Variants in WNT8B observed in about 807,000 individuals in gnomAD.
WNT8B encodes protein Wnt-8b.
Under a neutral mutation model 36.6 loss-of-function variants are expected in WNT8B, and 24 were observed. The observed-to-expected ratio is 0.66, with a 90% CI of 0.48 to 0.92. The LOEUF is 0.92. Among genes scored for constraint, WNT8B ranks in the 40% least tolerant of loss-of-function variants. The pLI is 0.00. For synonymous variants in WNT8B, 199 were observed against 189.8 expected, an observed-to-expected ratio of 1.05 and a Z score of -0.40; for missense variants, 402 against 470.8, an observed-to-expected ratio of 0.85 and a Z score of 1.35.
At chr10:100,468,167 T>C (rs1850932173) in intron 1 of WNT8B, among the ~76,000 whole-genome samples, 1 of 152,222 alleles carries the variant, frequency 6.6e-6, no homozygotes, top group Non-Finnish European at 1.5e-5. Context: ...TTGGATCAGA[T>C]TGAGGAGAGA....
intron 1 of WNT8B, among the ~76,000 whole-genome samples, chr10:100,474,544 C>T (rs1379806327): frequency 1.3e-5 from 2 of 152,136 alleles, no homozygotes; most frequent in East Asian, 3.9e-4. Context: ...AGATCCTCCT[C>T]CTTTGGTACT....
At position 100,463,091 on chromosome 10, in the gene WNT8B, T is replaced by G. The variant is rs1425430814; in HGVS notation, c.-78T>G. On this transcript the variant is annotated 5_prime_UTR_variant, in exon 1 of 6. Coordinates refer to ENST00000343737, the MANE Select transcript of WNT8B (RefSeq NM_003393.4). ...TTTGAGAATTCCATCCCACTGGCAC[T>G]GAGGAGAATATTTCTCCGTCTTGCT... is the stretch of plus-strand genomic sequence containing the variant. 3.0e-6 allele frequency: 4 copies of G among 1,350,902 alleles called. No homozygotes were observed. Among genetic ancestry groups the G allele is most frequent in the Non-Finnish European group, 4.2e-6 (4 of 948,706 alleles). 83.7% of individuals were successfully genotyped at this position (1,350,902 alleles called of 1,614,324 possible).
At chr10:100,478,784 G>A (rs1564644817) in intron 1 of WNT8B, among the ~76,000 whole-genome samples, 1 of 151,928 alleles carries the variant, frequency 6.6e-6, no homozygotes, top group African/African-American at 2.4e-5. Context: ...GTTTCACTAT[G>A]TTTGGCCATG....
chr10:100,463,099 A>T lies in WNT8B; in HGVS notation c.-70A>T. The T allele has an allele frequency of 7.0e-7, 1 of 1,432,870 alleles. No homozygotes were observed. The allele number at this position is 1,432,870 out of a possible 1,614,324, so 88.8% of individuals were successfully genotyped here. A position where few individuals can be genotyped will look rare whatever the true frequency, so the allele number is the denominator to read the frequency against. ...TTCCATCCCACTGGCACTGAGGAGA[A>T]TATTTCTCCGTCTTGCTTACCCATC... is the stretch of plus-strand genomic sequence containing the variant. On this transcript the variant is annotated 5_prime_UTR_variant, in exon 1 of 6. Coordinates refer to ENST00000343737, the MANE Select transcript of WNT8B (RefSeq NM_003393.4).
At position 100,482,777 on chromosome 10, in the gene WNT8B, G is replaced by GC; in HGVS notation, c.1018dup (p.Arg340ProfsTer38). Reference sequence around the variant, plus strand: ...ACTTCTGTAGCCGCGCAGAGCGGCCGCGGGGGGGCGCTGCGCACAAACCCG... The same window carrying GC: ...ACTTCTGTAGCCGCGCAGAGCGGCCGCCGGGGGGGCGCTGCGCACAAACCCG... On this transcript the variant is annotated frameshift_variant, in exon 6 of 6. Coordinates refer to ENST00000343737, the MANE Select transcript of WNT8B (RefSeq NM_003393.4). LOFTEE classifies it high-confidence loss of function. This position sits in a 1 kb window ranked among gnomAD's most constrained non-coding sequence, Gnocchi z 6.6. 6.3e-7 allele frequency: 1 copy of GC among 1,587,124 alleles called. No homozygotes were observed. Among genetic ancestry groups the GC allele is most frequent in the Admixed American group, 1.7e-5 (1 of 57,568 alleles).
chr10:100,478,579 G>T (rs1261461146), intron 1 of WNT8B, among the ~76,000 whole-genome samples: 1 of 150,248 alleles, frequency 6.7e-6, no homozygotes, highest in African/African-American at 2.4e-5. Flanking sequence ...ATGTGTGTGT[G>T]TGTTTTTTTT....
intron 1 of WNT8B, 117 bp downstream of exon 1, chr10:100,463,353 A>G: frequency 1.0e-6 from 1 of 993,372 alleles, no homozygotes; most frequent in East Asian, 2.5e-5. Context: ...CCTAGGAAAA[A>G]CTGTTCTATG....
intron 1 of WNT8B, among the ~76,000 whole-genome samples, chr10:100,465,592 G>A (rs151040196): frequency 1.6e-4 from 25 of 152,278 alleles, no homozygotes; most frequent in Non-Finnish European, 3.7e-4. Context: ...CACCAAATCA[G>A]AAGGATGCCC....
At chr10:100,468,656 A>G (rs986686203) in intron 1 of WNT8B, among the ~76,000 whole-genome samples, 1 of 152,246 alleles carries the variant, frequency 6.6e-6, no homozygotes, top group Non-Finnish European at 1.5e-5. Flanking sequence ...TAAAGAAGGA[A>G]AGAAATGAGG....
At chr10:100,479,018 T>C in intron 1 of WNT8B, 34 bp from the exon 2 acceptor site, 1 of 1,577,962 alleles carries the variant, frequency 6.3e-7, no homozygotes, top group Non-Finnish European at 8.6e-7. Context: ...GTCTCTGCAT[T>C]ATATTCTGTT....
intron 4 of WNT8B, 148 bp from the exon 5 acceptor site, chr10:100,481,764 C>T (rs1475737046): frequency 8.8e-7 from 1 of 1,139,998 alleles, no homozygotes. Flanking sequence ...CAAATCTAGA[C>T]GGCAACTGAT....
Position 100,479,856 on chromosome 10 carries a change from AC to A in WNT8B, c.103-14del. ...CCTCCTAAGTTCAGTCTGAATTTTTACCCCTATGTCCCTACAGGCTTACCTG... is the reference window on the plus strand; with the variant it reads ...CCTCCTAAGTTCAGTCTGAATTTTTACCCTATGTCCCTACAGGCTTACCTG... On this transcript the variant is annotated splice_polypyrimidine_tract_variant and intron_variant, in intron 2 of 5. Transcript: ENST00000343737. 2 of 1,612,734 alleles carry A rather than the reference AC, an allele frequency of 1.2e-6. No homozygotes were observed. The highest frequency in any genetic ancestry group is 8.5e-7 in the Non-Finnish European group (1 of 1,179,246).
rs1851148201 is a variant in WNT8B at position 100,483,582 on chromosome 10, A to G, written c.*766A>G. ...AGGAAATACGTTAAGGGCAGATTAC[A>G]GTCATTTCCTACCCTTTAAAGGTAA... On this transcript the variant is annotated 3_prime_UTR_variant, in exon 6 of 6. Transcript: ENST00000343737. 1.3e-5 allele frequency: 2 copies of G among 152,228 alleles called. No individual in the cohort carries two copies. The highest frequency in any genetic ancestry group is 2.9e-5 in the Non-Finnish European group (2 of 68,026). The allele number at this position is 152,228 out of a possible 1,614,324, so 9.4% of individuals were successfully genotyped here. A position where few individuals can be genotyped will look rare whatever the true frequency, so the allele number is the denominator to read the frequency against.
intron 1 of WNT8B, among the ~76,000 whole-genome samples, chr10:100,471,521 G>C (rs1010442229): frequency 3.3e-5 from 5 of 152,264 alleles, no homozygotes; most frequent in Admixed American, 2.0e-4. Context: ...ATAATTAACT[G>C]AGTGTATTCA....
chr10:100,469,432 C>A (rs562109160), intron 1 of WNT8B, among the ~76,000 whole-genome samples: 1 of 152,190 alleles, frequency 6.6e-6, no homozygotes, highest in African/African-American at 2.4e-5. Context: ...CCCTTTAAGA[C>A]TTCAGATACC....
rs771363997 is a variant in WNT8B at position 100,482,609 on chromosome 10, ACGCCGCAGCTGC to A, written c.855_866del (p.Ser286_Arg289del). Reference sequence around the variant, plus strand: ...GCGGGCGGGCCCTGGGTCGCTGGGAACGCCGCAGCTGCCGCCGGCTCTGCGGGGACTGCGGGC... The same window carrying A: ...GCGGGCGGGCCCTGGGTCGCTGGGAACGCCGGCTCTGCGGGGACTGCGGGC... On this transcript the variant is annotated inframe_deletion, in exon 6 of 6. Transcript: ENST00000343737. The surrounding 1 kb of genome is among the most constrained non-coding windows in gnomAD (Gnocchi z 6.6). 6.3e-7 allele frequency: 1 copy of A among 1,599,088 alleles called. No individual in the cohort carries two copies. The highest frequency in any genetic ancestry group is 1.1e-5 in the South Asian group (1 of 90,582).
intron 1 of WNT8B, among the ~76,000 whole-genome samples, 192 bp from the exon 2 acceptor site, chr10:100,478,843 AAAGTGCTGGGAATACAG>A (rs938423985): frequency 4.6e-5 from 7 of 152,244 alleles, no homozygotes; most frequent in Admixed American, 1.3e-4. Context: ...TCAGCCTCCC[AAAGTGCTGGGAATACAG>A]GCATGAGCCA....
At position 100,482,132 on chromosome 10, in the gene WNT8B, T is replaced by C; in HGVS notation, c.510+78T>C. ...GCTCCAGGTGCGGACAACTCTTCAG[T>C]TCATTTAAAAGATTGGCAAAATGAG... On this transcript the variant is annotated intron_variant, in intron 5 of 5. Transcript: ENST00000343737. The surrounding 1 kb of genome is among the most constrained non-coding windows in gnomAD (Gnocchi z 6.6). 23 of 1,593,770 alleles carry C rather than the reference T, an allele frequency of 1.4e-5. No individual in the cohort carries two copies. Among genetic ancestry groups the C allele is most frequent in the Non-Finnish European group, 2.0e-5 (23 of 1,168,302 alleles).
Position 100,463,079 on chromosome 10 carries a change from T to A in WNT8B, c.-90T>A. On this transcript the variant is annotated 5_prime_UTR_variant, in exon 1 of 6. Transcript: ENST00000343737. ...AGGAAGTTGGGCTTTGAGAATTCCATCCCACTGGCACTGAGGAGAATATTT... is the reference window on the plus strand; with the variant it reads ...AGGAAGTTGGGCTTTGAGAATTCCAACCCACTGGCACTGAGGAGAATATTT... The A allele has an allele frequency of 8.1e-7, 1 of 1,233,842 alleles. No homozygotes were observed. Among genetic ancestry groups the A allele is most frequent in the Non-Finnish European group, 1.2e-6 (1 of 854,166 alleles). 76.4% of individuals were successfully genotyped at this position (1,233,842 alleles called of 1,614,324 possible).
Sources: allele counts gnomAD v4.1 joint callset (sites outside exome capture counted in the v4.1 genomes callset), GRCh38; gene constraint gnomAD v4.1.1; non-coding constraint Gnocchi (gnomAD v3.1); transcripts MANE v1.5; gene names NCBI Gene and HGNC (gene_info 2026-07-23, HGNC 2026-07-21).